Variants in ZNF286A observed in about 807,000 individuals in gnomAD.
ZNF286A encodes zinc finger protein ZNF286.
ZNF286A carries 34 observed loss-of-function variants against 49.3 expected under a neutral mutation model. The ratio of observed to expected loss-of-function variants is 0.69; its 90% CI spans 0.52 to 0.92. ZNF286A has a LOEUF of 0.92. Ranked by LOEUF, ZNF286A falls within the 40% of genes least tolerant of loss-of-function variation. The probability of loss-of-function intolerance (pLI) is 0.00; values close to 1 mark genes in which losing one functional copy is unlikely to be tolerated. For synonymous variants in ZNF286A, 155 were observed against 200.4 expected (o/e 0.77, Z 1.91); for missense variants, 462 against 600.2 (o/e 0.77, Z 2.41).
intron 3 of ZNF286A, among the ~76,000 whole-genome samples, chr17:15,705,166 A>G (rs1990135753): frequency 6.6e-6 from 1 of 152,216 alleles, no homozygotes; most frequent in African/African-American, 2.4e-5. Flanking sequence ...TTTAGACATA[A>G]GAAGTGTTGC....
In ZNF286A at chr17:15,702,477, T is replaced by A. The variant is rs1163767170; in HGVS notation, c.126+1237T>A. Reference sequence around the variant, plus strand: ...TTGCAGTGAGCCCAGATAGGGCTACTGCACTCCAGCCTGGGTGAGAGTGAA... The same window carrying A: ...TTGCAGTGAGCCCAGATAGGGCTACAGCACTCCAGCCTGGGTGAGAGTGAA... On this transcript the variant is annotated intron_variant, in intron 3 of 5. Transcript: ENST00000583566. 2.7e-5 allele frequency among the ~76,000 whole-genome samples: 4 copies of A among 148,712 alleles called. No individual in the cohort carries two copies. In the South Asian group the frequency reaches 8.5e-4, roughly 32 times the overall value.
chr17:15,708,440 T>C (rs1324367782), intron 5 of ZNF286A, 193 bp downstream of exon 5: 2 of 408,124 alleles, frequency 4.9e-6, no homozygotes, highest in East Asian at 3.7e-5. Context: ...ATTAGACACG[T>C]ACTAATATTT....
At chr17:15,715,631 ATG>A (rs1966997567) in intron 5 of ZNF286A, among the ~76,000 whole-genome samples, 1 of 152,132 alleles carries the variant, frequency 6.6e-6, no homozygotes, top group Admixed American at 6.5e-5. Flanking sequence ...ACATATTTGG[ATG>A]TGAGTAGGAT....
Position 15,718,833 on chromosome 17 carries a change from C to T in ZNF286A, c.*1543C>T, listed in dbSNP as rs1342211904. 6 of 144,428 alleles carry T rather than the reference C, an allele frequency of 4.2e-5. No homozygotes were observed. In the East Asian group the frequency reaches 1.2e-3, roughly 29 times the overall value. The allele number at this position is 144,428 out of a possible 1,614,324, so 8.9% of individuals were successfully genotyped here. A position where few individuals can be genotyped will look rare whatever the true frequency, so the allele number is the denominator to read the frequency against. On this transcript the variant is annotated 3_prime_UTR_variant, in exon 6 of 6. Transcript: ENST00000583566. ...TTGGCTCATGGTTCCATGGGCTGTA[C>T]AGGAAGTATGACTGGGGAGGTCTCA... is the stretch of plus-strand genomic sequence containing the variant.
In ZNF286A at chr17:15,720,692, G is replaced by T. The variant is rs922277548; in HGVS notation, c.*3402G>T. The T allele has an allele frequency of 3.3e-5, 5 of 150,150 alleles. No individual in the cohort carries two copies. Among genetic ancestry groups the T allele is most frequent in the Non-Finnish European group, 7.4e-5 (5 of 67,648 alleles). The allele number at this position is 150,150 out of a possible 1,614,324, so 9.3% of individuals were successfully genotyped here. On this transcript the variant is annotated 3_prime_UTR_variant, in exon 6 of 6. Coordinates refer to ENST00000583566, the MANE Select transcript of ZNF286A (RefSeq NM_001130842.2). Reference sequence around the variant, plus strand: ...CAACATGAATCTTGGAAATTTTAATGTTATGCATTTCAAATGTTTTTGGTT... The same window carrying T: ...CAACATGAATCTTGGAAATTTTAATTTTATGCATTTCAAATGTTTTTGGTT...
chr17:15,713,518 G>C (rs537194494), intron 5 of ZNF286A, among the ~76,000 whole-genome samples: 17 of 152,156 alleles, frequency 1.1e-4, no homozygotes, highest in African/African-American at 3.6e-4. Context: ...AGTCTTTTCA[G>C]GTAATTATGG....
At chr17:15,710,029 T>C (rs1392510733) in intron 5 of ZNF286A, 7 of 953,694 alleles carry the variant, frequency 7.3e-6, no homozygotes, top group Non-Finnish European at 9.1e-6. Flanking sequence ...GAGTGATAAA[T>C]ACAAGTTTGA....
Position 15,704,270 on chromosome 17 carries a change from T to A in ZNF286A, c.127-2117T>A. On this transcript the variant is annotated intron_variant, in intron 3 of 5. Coordinates refer to ENST00000583566, the MANE Select transcript of ZNF286A (RefSeq NM_001130842.2). ...AGCGCCCGCTTCTTGTCCGTCTTTT[T>A]CTTGGCCGCCAGCTTCTTATCGCGC... 3.1e-6 allele frequency: 5 copies of A among 1,607,296 alleles called. No homozygotes were observed. In the South Asian group the frequency reaches 5.5e-5, roughly 18 times the overall value.
chr17:15,704,940 C>A, intron 3 of ZNF286A: 1 of 1,533,730 alleles, frequency 6.5e-7, no homozygotes, highest in Non-Finnish European at 8.8e-7. Context: ...CGGCCCCCTT[C>A]CTGCGTTCTT....
Position 15,717,514 on chromosome 17 carries a change from C to A in ZNF286A, c.*224C>A, listed in dbSNP as rs550778478. On this transcript the variant is annotated 3_prime_UTR_variant, in exon 6 of 6. Transcript: ENST00000583566. ...GCGATTTCAAAATTTTAATCTCCAA[C>A]GTCCCAAATAGCTATCTGTGGAAAT... 9.7e-6 allele frequency: 7 copies of A among 720,792 alleles called. No individual in the cohort carries two copies. Among genetic ancestry groups the A allele is most frequent in the Non-Finnish European group, 1.5e-5 (7 of 473,206 alleles). The allele number at this position is 720,792 out of a possible 1,614,324, so 44.6% of individuals were successfully genotyped here.
intron 5 of ZNF286A, among the ~76,000 whole-genome samples, chr17:15,711,073 G>A (rs1344101583): frequency 2.6e-5 from 4 of 151,946 alleles, no homozygotes; most frequent in Middle Eastern, 6.8e-3. Flanking sequence ...CACCAAACCC[G>A]GCTAATTTTT....
At chr17:15,705,057 C>T (rs1990123960) in intron 3 of ZNF286A, among the ~76,000 whole-genome samples, 1 of 152,026 alleles carries the variant, frequency 6.6e-6, no homozygotes. Flanking sequence ...CCGCGCACAG[C>T]GTACACCAAC....
rs769116482 is a variant in ZNF286A, at chr17:15,717,930, ATT to A, written c.*660_*661del. The A allele has an allele frequency of 9.3e-5, 9 of 96,976 alleles. No individual in the cohort carries two copies. Among genetic ancestry groups the A allele is most frequent in the South Asian group, 3.9e-4 (1 of 2,574 alleles). 6.0% of individuals were successfully genotyped at this position (96,976 alleles called of 1,614,324 possible). A position where few individuals can be genotyped will look rare whatever the true frequency, so the allele number is the denominator to read the frequency against. ...TTCACATGGATTATGTACATCATTGATTTTTTTTTTTTTTTTTTTTTGAGACA... is the reference window on the plus strand; with the variant it reads ...TTCACATGGATTATGTACATCATTGATTTTTTTTTTTTTTTTTTTGAGACA... On this transcript the variant is annotated 3_prime_UTR_variant, in exon 6 of 6. Transcript: ENST00000583566.
At chr17:15,714,556 C>G (rs187608048) in intron 5 of ZNF286A, among the ~76,000 whole-genome samples, 1 of 152,110 alleles carries the variant, frequency 6.6e-6, no homozygotes, top group African/African-American at 2.4e-5. Flanking sequence ...GTAGCTATTG[C>G]TATCATTCCT....
At chr17:15,701,979 A>G (rs2151449544) in intron 3 of ZNF286A, among the ~76,000 whole-genome samples, 1 of 152,168 alleles carries the variant, frequency 6.6e-6, no homozygotes, top group Middle Eastern at 3.4e-3. Context: ...AAAATTAGCC[A>G]GGCATGGTGG....
intron 3 of ZNF286A, among the ~76,000 whole-genome samples, chr17:15,701,836 T>C (rs945938178): frequency 6.6e-6 from 1 of 152,172 alleles, no homozygotes; most frequent in Non-Finnish European, 1.5e-5. Context: ...ATATTACGAA[T>C]GTTTGGCTGG....
At position 15,716,614 on chromosome 17, in the gene ZNF286A, T is replaced by G. The variant is rs532974252; in HGVS notation, c.890T>G (p.Leu297Arg). ...CACCAGAGAACTCATACTAGAATTC[T>G]CTTTGAATGCAGTGAATGCAAGAAA... ...TKHQRTHTRI[L>R]FECSECKKTF... The change falls in exon 6 of 6, where the codon CTC (leucine) becomes CGC (arginine). Residue 297 changes from leucine to arginine, a missense_variant. Physicochemically the swap from Leu to Arg is moderately radical, Grantham distance 102. This residue lies in a region of ZNF286A where 201 missense variants were observed against 311.3 expected (regional missense o/e 0.65). Transcript: ENST00000583566. 6.2e-7 allele frequency: 1 copy of G among 1,614,092 alleles called. No individual in the cohort carries two copies. The highest frequency in any genetic ancestry group is 8.5e-7 in the Non-Finnish European group (1 of 1,180,002).
chr17:15,702,422 T>C (rs1165772438), intron 3 of ZNF286A, among the ~76,000 whole-genome samples: 2 of 148,000 alleles, frequency 1.4e-5, no homozygotes, highest in Non-Finnish European at 3.0e-5. Flanking sequence ...GACTGAGGCA[T>C]GAGAATCACT....
chr17:15,708,088 A>T, intron 4 of ZNF286A, 67 bp from the exon 5 acceptor site: 20 of 1,184,380 alleles, frequency 1.7e-5, no homozygotes, highest in Non-Finnish European at 2.2e-5. Context: ...GCTTGAAGAA[A>T]ACTTCCACAA....
Sources: allele counts gnomAD v4.1 joint callset (sites outside exome capture counted in the v4.1 genomes callset), GRCh38; gene constraint gnomAD v4.1.1; regional missense constraint gnomAD v4.1.1; transcripts MANE v1.5; gene names NCBI Gene and HGNC (gene_info 2026-07-23, HGNC 2026-07-21).